Variants in TRPM3 observed in about 807,000 individuals in gnomAD.
TRPM3 encodes the protein long transient receptor potential channel 3.
Under a neutral mutation model 181.2 loss-of-function variants are expected in TRPM3, and 77 were observed. The ratio of observed to expected loss-of-function variants is 0.42; its 90% CI spans 0.35 to 0.51. The LOEUF is 0.51. TRPM3 is among the 20% of genes least tolerant of loss of function. The probability of loss-of-function intolerance (pLI) is 0.01; values close to 1 mark genes in which losing one functional copy is unlikely to be tolerated. For synonymous variants in TRPM3, 745 were observed against 796.4 expected (o/e 0.94, Z 1.09); for missense variants, 1,759 against 2,196.7 (o/e 0.80, Z 3.98).
rs572302244 is a variant in TRPM3, at chr9:71,366,446, A to G, written c.183+80207T>C. Among the ~76,000 whole-genome samples, 7 of 152,262 alleles carry G rather than the reference A, an allele frequency of 4.6e-5. No individual in the cohort carries two copies. In the South Asian group the frequency reaches 1.5e-3, roughly 32 times the overall value. On this transcript the variant is annotated intron_variant, in intron 1 of 24. Transcript: ENST00000357533. Reference sequence around the variant, plus strand: ...GCCCTGGAGACAGCCAGGGTCTCATAGCCTAAGTACCAAGAGAGGTCAAGG... The same window carrying G: ...GCCCTGGAGACAGCCAGGGTCTCATGGCCTAAGTACCAAGAGAGGTCAAGG...
intron 6 of TRPM3, chr9:70,793,488 A>G (rs1373553636): frequency 5.8e-6 from 1 of 172,310 alleles, no homozygotes; most frequent in Non-Finnish European, 1.2e-5. Context: ...ATATATATAT[A>G]TATAAAACAC....
chr9:70,874,383 C>T (rs574690267), intron 1 of TRPM3, among the ~76,000 whole-genome samples: 17 of 151,774 alleles, frequency 1.1e-4, no homozygotes, highest in African/African-American at 4.1e-4. Context: ...TATAAAATTC[C>T]AGGATACAAA....
At position 70,745,612 on chromosome 9, in the gene TRPM3, C is replaced by T. The variant is rs1340248243; in HGVS notation, c.1272+15989G>A. On this transcript the variant is annotated intron_variant, in intron 8 of 25. Transcript: ENST00000677713. ...ATGTTGGAGAAAAAACTTTTCTAAACTTGATGCATGACTCTATGACTTTGA... is the reference window on the plus strand; with the variant it reads ...ATGTTGGAGAAAAAACTTTTCTAAATTTGATGCATGACTCTATGACTTTGA... 3.3e-5 allele frequency among the ~76,000 whole-genome samples: 5 copies of T among 152,114 alleles called. No homozygotes were observed. In the East Asian group the frequency reaches 9.6e-4, roughly 29 times the overall value.
intron 1 of TRPM3, among the ~76,000 whole-genome samples, chr9:71,321,025 C>T (rs974039561): frequency 6.6e-6 from 1 of 152,042 alleles, no homozygotes; most frequent in Non-Finnish European, 1.5e-5. Context: ...CCATCTGGTC[C>T]ACTTCTACCA....
intron 1 of TRPM3, among the ~76,000 whole-genome samples, chr9:70,914,912 T>C (rs536853782): frequency 4.8e-4 from 73 of 152,314 alleles, no homozygotes; most frequent in African/African-American, 1.7e-3. Context: ...GGGTGCCTCC[T>C]AATGAAGATA....
Position 70,625,515 on chromosome 9 carries a change from T to C in TRPM3, c.1635A>G (p.Arg545=). Residue 545 remains arginine, a splice_region_variant and synonymous_variant, in exon 13 of 26, where the codon CGA becomes CGG. Coordinates refer to ENST00000677713, the MANE Select transcript of TRPM3 (RefSeq NM_001366145.2). This position sits in a 1 kb window ranked among gnomAD's most constrained non-coding sequence, Gnocchi z 4.8. ...LYHLVRDVKK[R]EYPGFGWIYF... ...AGATCCAACCGAAACCTGGATACTC[T>C]CGCTTGGAAAGAAGACATAAGTTAA... The C allele has an allele frequency of 6.2e-7, 1 of 1,611,970 alleles. No individual in the cohort carries two copies. The highest frequency in any genetic ancestry group is 8.5e-7 in the Non-Finnish European group (1 of 1,179,304).
At chr9:70,996,424 T>C (rs565868428) in intron 1 of TRPM3, among the ~76,000 whole-genome samples, 3 of 152,328 alleles carry the variant, frequency 2.0e-5, no homozygotes, top group African/African-American at 7.2e-5. Context: ...TGTCCACTGC[T>C]AGCAAATCCG....
At chr9:70,544,962 A>G (rs1266156151) in intron 25 of TRPM3, among the ~76,000 whole-genome samples, 1 of 152,058 alleles carries the variant, frequency 6.6e-6, no homozygotes, top group African/African-American at 2.4e-5. Flanking sequence ...TGTAGGTCAA[A>G]AATAATAATC....
chr9:70,538,818 C>T lies in TRPM3; in HGVS notation c.3708-1413G>A, dbSNP rs118026735. Among the ~76,000 whole-genome samples the T allele has an allele frequency of 2.1e-4, 32 of 152,290 alleles. No individual in the cohort carries two copies. In the East Asian group the frequency reaches 5.8e-3, roughly 28 times the overall value. ...TCAACAAATGGGTCAATGACATTTA[C>T]GAACTTGATTTCAATTGTCACTCAG... On this transcript the variant is annotated intron_variant, in intron 25 of 25. Coordinates refer to ENST00000677713, the MANE Select transcript of TRPM3 (RefSeq NM_001366145.2).
chr9:71,420,408 G>C (rs569369672), intron 1 of TRPM3, among the ~76,000 whole-genome samples: 20 of 151,948 alleles, frequency 1.3e-4, no homozygotes, highest in African/African-American at 4.6e-4. Flanking sequence ...GAGAAAGCTA[G>C]CAGAATATGC....
At chr9:71,075,603 G>A (rs2063348436) in intron 1 of TRPM3, among the ~76,000 whole-genome samples, 1 of 152,048 alleles carries the variant, frequency 6.6e-6, no homozygotes. Flanking sequence ...ATAAACATTT[G>A]CACATCATAA....
chr9:70,871,423 T>C (rs947754662), intron 1 of TRPM3, among the ~76,000 whole-genome samples: 1 of 151,784 alleles, frequency 6.6e-6, no homozygotes, highest in African/African-American at 2.4e-5. Context: ...TTACTTGTTT[T>C]TGTCTTGTTT....
intron 6 of TRPM3, among the ~76,000 whole-genome samples, chr9:70,823,643 A>G (rs1477343562): frequency 2.0e-5 from 3 of 152,158 alleles, no homozygotes; most frequent in Admixed American, 1.3e-4. Flanking sequence ...TTTAAAAACT[A>G]TCGGCCATCA....
At chr9:70,812,148 T>G (rs1167461448) in intron 6 of TRPM3, among the ~76,000 whole-genome samples, 1 of 152,198 alleles carries the variant, frequency 6.6e-6, no homozygotes, top group Non-Finnish European at 1.5e-5. Flanking sequence ...TTTTGTTCCT[T>G]CCTTAGAGAC....
At chr9:71,333,175 A>T (rs2090330135) in intron 1 of TRPM3, among the ~76,000 whole-genome samples, 1 of 151,898 alleles carries the variant, frequency 6.6e-6, no homozygotes, top group Non-Finnish European at 1.5e-5. Flanking sequence ...CCCAGCAGGG[A>T]ACATGAATCC....
At chr9:70,615,686 T>C (rs1361974479) in intron 18 of TRPM3, among the ~76,000 whole-genome samples, 1 of 152,258 alleles carries the variant, frequency 6.6e-6, no homozygotes, top group Non-Finnish European at 1.5e-5. Flanking sequence ...CACCACTAGC[T>C]GGCTGCAAGA....
intron 1 of TRPM3, among the ~76,000 whole-genome samples, chr9:71,000,154 T>C (rs2097584283): frequency 6.6e-6 from 1 of 152,158 alleles, no homozygotes; most frequent in Admixed American, 6.6e-5. Context: ...TGTATCCCAT[T>C]GGGAACAAGT....
At chr9:70,824,810 T>C (rs1011180874) in intron 6 of TRPM3, 1 of 152,244 alleles carries the variant, frequency 6.6e-6, no homozygotes, top group Non-Finnish European at 1.5e-5. Context: ...GACTGAGGAT[T>C]GCATTAAAGG....
rs2040563162 is a variant in TRPM3 at position 70,529,405 on chromosome 9, G to C, written c.*6548C>G. ...ATAATTTCCCCCATTATAAACTAGG[G>C]TTAGAACGTTTACAAATGAGAGTCT... On this transcript the variant is annotated 3_prime_UTR_variant, in exon 26 of 26. Transcript: ENST00000677713. The C allele has an allele frequency of 6.6e-6, 1 of 152,096 alleles. No homozygotes were observed. 9.4% of individuals were successfully genotyped at this position (152,096 alleles called of 1,614,324 possible).
Sources: gnomAD v4.1 joint callset for allele counts (sites outside exome capture counted in the v4.1 genomes callset) on GRCh38, gnomAD v4.1.1 for gene constraint, Gnocchi (gnomAD v3.1) non-coding constraint, MANE v1.5 for transcripts, NCBI Gene and HGNC (gene_info 2026-07-23, HGNC 2026-07-21) for gene names.